BCAR1: variants seen among roughly 807,000 people sequenced by gnomAD.
BCAR1 encodes breast cancer anti-estrogen resistance protein 1.
In BCAR1, 30 loss-of-function variants were observed where a neutral mutation model predicts 67.6. The ratio of observed to expected loss-of-function variants is 0.44; its 90% CI spans 0.33 to 0.60. The LOEUF (loss-of-function observed/expected upper bound fraction) is 0.60. BCAR1 is among the 20% of genes least tolerant of loss of function. The pLI, the probability that BCAR1 is intolerant of heterozygous loss-of-function variation, is 0.02. For synonymous variants in BCAR1, 626 were observed against 556.7 expected, an observed-to-expected ratio of 1.12 and a Z score of -1.75; for missense variants, 1,313 against 1,222.3, an observed-to-expected ratio of 1.07 and a Z score of -1.11.
chr16:75,243,529 T>TA (rs1263451352), intron 1 of BCAR1: 20 of 504,060 alleles, frequency 4.0e-5, no homozygotes, highest in African/African-American at 9.9e-5. Context: ...CTTCTTAGGA[T>TA]AAAAAAATGA....
chr16:75,243,262 C>G (rs558456633), intron 1 of BCAR1, among the ~76,000 whole-genome samples, 172 bp from the exon 2 acceptor site: 1 of 152,050 alleles, frequency 6.6e-6, no homozygotes, highest in South Asian at 2.1e-4. Context: ...ACCTGTTCCC[C>G]AGCAGAAAGG....
chr16:75,231,149 T>C (rs1336246002), intron 6 of BCAR1, among the ~76,000 whole-genome samples: 1 of 151,254 alleles, frequency 6.6e-6, no homozygotes, highest in Non-Finnish European at 1.5e-5. Flanking sequence ...CAGGCTGAAG[T>C]GAAGTGGCAC....
At position 75,232,316 on chromosome 16, in the gene BCAR1, A is replaced by T. The variant is rs181523271; in HGVS notation, c.2100+1530T>A. On this transcript the variant is annotated intron_variant, in intron 6 of 6. Transcript: ENST00000162330. Reference sequence around the variant, plus strand: ...GCTGGGACTACAGGCGTGTGCCACTATGCTGGCCAATTTTTGTATTTTTAG... The same window carrying T: ...GCTGGGACTACAGGCGTGTGCCACTTTGCTGGCCAATTTTTGTATTTTTAG... Among the ~76,000 whole-genome samples, 7 of 151,446 alleles carry T rather than the reference A, an allele frequency of 4.6e-5. No individual in the cohort carries two copies. The East Asian group carries it at 1.4e-3, about 29-fold the overall frequency.
At chr16:75,240,300 G>A (rs2077294647) in intron 2 of BCAR1, among the ~76,000 whole-genome samples, 1 of 152,188 alleles carries the variant, frequency 6.6e-6, no homozygotes, top group Non-Finnish European at 1.5e-5. Flanking sequence ...TGAGGGGCAG[G>A]CCTGAGGCTT....
intron 1 of BCAR1, among the ~76,000 whole-genome samples, chr16:75,265,413 G>A (rs1016596909): frequency 7.2e-5 from 11 of 152,298 alleles, no homozygotes; most frequent in African/African-American, 2.6e-4. Context: ...CGGCCCAGCA[G>A]TCCCGGAGGG....
intron 1 of BCAR1, chr16:75,266,388 T>A (rs1403788365): frequency 5.2e-6 from 1 of 193,262 alleles, no homozygotes; most frequent in Non-Finnish European, 1.0e-5. Flanking sequence ...CCGGAAACAG[T>A]CTAGCTCATC....
At position 75,251,594 on chromosome 16, in the gene BCAR1, A is replaced by T; in HGVS notation, c.-112T>A. On this transcript the variant is annotated 5_prime_UTR_variant, in exon 1 of 7. Coordinates refer to ENST00000162330, the MANE Select transcript of BCAR1 (RefSeq NM_014567.5). Reference sequence around the variant, plus strand: ...CGCAGCCGCCCCGGTGCCGCCGCGCAGCTGCCGCCTCGGCCACCCAGAGCC... The same window carrying T: ...CGCAGCCGCCCCGGTGCCGCCGCGCTGCTGCCGCCTCGGCCACCCAGAGCC... 1 of 1,035,964 alleles carries T rather than the reference A, an allele frequency of 9.7e-7. No individual in the cohort carries two copies. The highest frequency in any genetic ancestry group is 1.7e-5 in the African/African-American group (1 of 58,064). 64.2% of individuals were successfully genotyped at this position (1,035,964 alleles called of 1,614,324 possible).
intron 1 of BCAR1, among the ~76,000 whole-genome samples, chr16:75,259,484 G>A (rs769477315): frequency 8.6e-5 from 13 of 152,036 alleles, no homozygotes; most frequent in Non-Finnish European, 1.6e-4. Flanking sequence ...TAAAGGTAGA[G>A]ACAGATATCC....
chr16:75,228,433 T>A lies in BCAR1; in HGVS notation c.*1078A>T, dbSNP rs1253525870. The A allele has an allele frequency of 6.6e-6, 1 of 152,310 alleles. No individual in the cohort carries two copies. Among genetic ancestry groups the A allele is most frequent in the East Asian group, 1.9e-4 (1 of 5,182 alleles). 9.4% of individuals were successfully genotyped at this position (152,310 alleles called of 1,614,324 possible). On this transcript the variant is annotated 3_prime_UTR_variant, in exon 7 of 7. Transcript: ENST00000162330. ...GGTTCCAAGCACCCTGAAGCTTCCA[T>A]CTGGGCTGCGGGCTGCTGGGTGGGG...
intron 1 of BCAR1, among the ~76,000 whole-genome samples, chr16:75,244,457 T>C (rs1037174442): frequency 1.3e-5 from 2 of 152,288 alleles, no homozygotes; most frequent in Admixed American, 6.5e-5. Flanking sequence ...CTCCCCTATA[T>C]GAGCAGGGGC....
At chr16:75,250,866 G>T (rs1006042092) in intron 1 of BCAR1, 4 of 985,464 alleles carry the variant, frequency 4.1e-6, no homozygotes, top group Non-Finnish European at 4.8e-6. Flanking sequence ...CTCGGCGTGC[G>T]GGGCTGCAAA....
intron 1 of BCAR1, chr16:75,247,818 C>T (rs1295904431): frequency 3.6e-6 from 2 of 561,764 alleles, no homozygotes; most frequent in Non-Finnish European, 6.4e-6. Context: ...CAAATATGAC[C>T]TCAGCACCCG....
intron 6 of BCAR1, among the ~76,000 whole-genome samples, chr16:75,231,428 C>T (rs902116146): frequency 6.6e-6 from 1 of 152,200 alleles, no homozygotes; most frequent in African/African-American, 2.4e-5. Context: ...TAATATCCCA[C>T]TGCATAAATG....
At position 75,238,154 on chromosome 16, in the gene BCAR1, G is replaced by A. The variant is rs919934019; in HGVS notation, c.634-810C>T. 2.3e-6 allele frequency: 3 copies of A among 1,279,392 alleles called. No homozygotes were observed. The Admixed American group carries it at 7.1e-5, about 30-fold the overall frequency. The allele number at this position is 1,279,392 out of a possible 1,614,324, so 79.3% of individuals were successfully genotyped here. ...GGGTGAAGAGGCAGGCAGCACAATG[G>A]CCTGCCCAGGGCCACAGGACCCCTC... On this transcript the variant is annotated intron_variant, in intron 2 of 6. Transcript: ENST00000162330.
chr16:75,267,600 T>C (rs1369082930), intron 1 of BCAR1, among the ~76,000 whole-genome samples: 3 of 144,964 alleles, frequency 2.1e-5, no homozygotes, highest in Non-Finnish European at 3.0e-5. Context: ...ACCACCACCC[T>C]GGCCCTCTCC....
At chr16:75,267,621 G>A (rs2078027363) in intron 1 of BCAR1, among the ~76,000 whole-genome samples, 3 of 150,828 alleles carry the variant, frequency 2.0e-5, no homozygotes, top group Non-Finnish European at 4.4e-5. Context: ...TTTGCTCCTC[G>A]CCCAGACCCC....
chr16:75,264,813 G>C (rs2077969571), intron 1 of BCAR1: 2 of 326,288 alleles, frequency 6.1e-6, no homozygotes, highest in Middle Eastern at 9.8e-4. Flanking sequence ...AACAAGGCCA[G>C]AGTGGACAGG....
At chr16:75,253,031 G>A (rs2077710534), upstream of BCAR1, among the ~76,000 whole-genome samples, 1 of 152,368 alleles carries the variant, frequency 6.6e-6, no homozygotes, top group Admixed American at 6.5e-5. Context: ...TGAGGAAGGA[G>A]CAGTGGGATG....
At chr16:75,256,294 T>C (rs2077772351), upstream of BCAR1, 1 of 107,752 alleles carries the variant, frequency 9.3e-6, no homozygotes, top group Non-Finnish European at 1.8e-5. Flanking sequence ...GCTGGAGCTG[T>C]TACCATAAAG....
Sources: allele counts gnomAD v4.1 joint callset (sites outside exome capture counted in the v4.1 genomes callset), GRCh38; gene constraint gnomAD v4.1.1; transcripts MANE v1.5; gene names NCBI Gene and HGNC (gene_info 2026-07-23, HGNC 2026-07-21).